The following TRPM7 variants were observed in gnomAD, a reference collection of about 807,000 sequenced individuals.
TRPM7 encodes LTRPC ion channel family member 7.
TRPM7 carries 134 observed loss-of-function variants against 229.7 expected under a neutral mutation model. That is an observed-to-expected ratio of 0.58 (90% CI 0.51 to 0.67). The LOEUF (loss-of-function observed/expected upper bound fraction) is 0.67, where lower values mean the gene tolerates loss of function less well. Among genes scored for constraint, TRPM7 ranks in the 30% least tolerant of loss-of-function variants. TRPM7 has a pLI of 0.00. For missense variants in TRPM7, 1,901 were observed against 2,210.0 expected (o/e 0.86, Z 2.80); for synonymous variants, 699 against 715.2 (o/e 0.98, Z 0.36).
rs553815931 is a variant in TRPM7, at chr15:50,571,585, A to G, written c.5309-1430T>C. On this transcript the variant is annotated intron_variant, in intron 36 of 38. Transcript: ENST00000646667. Reference sequence around the variant, plus strand: ...TAGGCAGAAAAAAAAAGTGGAAAAAAAAAAATCTCATGATCCCAGTTGGGG... The same window carrying G: ...TAGGCAGAAAAAAAAAGTGGAAAAAGAAAAATCTCATGATCCCAGTTGGGG... Among the ~76,000 whole-genome samples, 411 of 152,318 alleles carry G rather than the reference A, an allele frequency of 2.7e-3. 6 individuals carry two copies. The highest frequency in any genetic ancestry group is 0.023 in the Admixed American group (348 of 15,296).
intron 1 of TRPM7, among the ~76,000 whole-genome samples, chr15:50,678,515 AAAAT>A (rs1291798799): frequency 0.017 from 1,436 of 82,614 alleles, 11 homozygotes; most frequent in African/African-American, 0.043. Flanking sequence ...TTAAAAAAAA[AAAAT>A]ATATATATAT....
In TRPM7 at chr15:50,633,755, C is replaced by G. The variant is rs2060805198; in HGVS notation, c.1007+627G>C. On this transcript the variant is annotated intron_variant, in intron 8 of 38. Transcript: ENST00000646667. ...GAACCCCGTAATGAGTAGCTTTAAA[C>G]ATATATTATTTCACAGATATACATC... Among the ~76,000 whole-genome samples the G allele has an allele frequency of 2.0e-5, 3 of 152,132 alleles. No homozygotes were observed. In the South Asian group the frequency reaches 6.2e-4, roughly 31 times the overall value.
At chr15:50,686,418 AG>A in intron 1 of TRPM7, 112 bp downstream of exon 1, 1 of 1,565,860 alleles carries the variant, frequency 6.4e-7, no homozygotes, top group Non-Finnish European at 8.8e-7. Context: ...AGGCAATTCG[AG>A]GGTCCTTCGC....
chr15:50,599,782 G>A (rs531371233), intron 21 of TRPM7: 3 of 152,314 alleles, frequency 2.0e-5, no homozygotes, highest in East Asian at 3.9e-4. Flanking sequence ...GAATCCATGG[G>A]TGCCTTGTCC....
intron 13 of TRPM7, 63 bp from the exon 14 acceptor site, chr15:50,614,326 C>A (rs2060152030): frequency 2.1e-6 from 3 of 1,420,660 alleles, no homozygotes; most frequent in South Asian, 2.9e-5. Flanking sequence ...CCATGCCCTG[C>A]CTAGGAACAG....
intron 11 of TRPM7, 104 bp from the exon 12 acceptor site, chr15:50,624,404 G>T: frequency 9.8e-7 from 1 of 1,018,430 alleles, no homozygotes; most frequent in Non-Finnish European, 1.4e-6. Context: ...GTTCCCAACA[G>T]TTTTAGAACA....
chr15:50,566,715 A>G (rs1181744756), intron 38 of TRPM7, among the ~76,000 whole-genome samples: 2 of 152,168 alleles, frequency 1.3e-5, no homozygotes, highest in East Asian at 1.9e-4. Context: ...AATAAAATAA[A>G]GATCCGAGAA....
chr15:50,610,438 C>T (rs2060036167), intron 17 of TRPM7, among the ~76,000 whole-genome samples: 1 of 152,054 alleles, frequency 6.6e-6, no homozygotes, highest in Non-Finnish European at 1.5e-5. Flanking sequence ...CTTGCAAAAT[C>T]CCAAAGCATG....
chr15:50,572,387 G>GA (rs2053933369), intron 36 of TRPM7, among the ~76,000 whole-genome samples: 1 of 152,174 alleles, frequency 6.6e-6, no homozygotes, highest in Admixed American at 6.5e-5. Flanking sequence ...CCTTCACCAG[G>GA]AAAAAGACTA....
intron 25 of TRPM7, among the ~76,000 whole-genome samples, chr15:50,593,378 AAACAGTAAAG>A (rs1406695617): frequency 1.3e-5 from 2 of 152,132 alleles, no homozygotes; most frequent in Non-Finnish European, 2.9e-5. Context: ...TTCTCCCTCC[AAACAGTAAAG>A]AACAGTAAAC....
chr15:50,636,394 C>A (rs905602588), intron 7 of TRPM7, among the ~76,000 whole-genome samples: 1 of 152,058 alleles, frequency 6.6e-6, no homozygotes, highest in African/African-American at 2.4e-5. Context: ...TTTCACCATA[C>A]TGGTCAGTCT....
At chr15:50,584,017 A>T (rs2054561480) in intron 28 of TRPM7, among the ~76,000 whole-genome samples, 1 of 152,210 alleles carries the variant, frequency 6.6e-6, no homozygotes, top group African/African-American at 2.4e-5. Flanking sequence ...TTCCTATGAT[A>T]AACAGTGCCG....
At position 50,631,411 on chromosome 15, in the gene TRPM7, G is replaced by T. The variant is rs1170554879; in HGVS notation, c.1204+6C>A. The T allele has an allele frequency of 7.5e-6, 12 of 1,593,692 alleles. No individual in the cohort carries two copies. The highest frequency in any genetic ancestry group is 1.0e-5 in the Non-Finnish European group (12 of 1,165,986). On this transcript the variant is annotated splice_donor_region_variant and intron_variant, in intron 10 of 38. Transcript: ENST00000646667. ...CTTACAAATAAAAAAGTTCTTAGAG[G>T]CTTACCTTTTAGCAGTGCAGTAAGT...
At chr15:50,577,362 A>C (rs1312953516) in intron 31 of TRPM7, among the ~76,000 whole-genome samples, 1 of 152,144 alleles carries the variant, frequency 6.6e-6, no homozygotes, top group African/African-American at 2.4e-5. Context: ...AGCCTGGCCA[A>C]CGTGGTGAAA....
intron 12 of TRPM7, among the ~76,000 whole-genome samples, chr15:50,622,768 C>G (rs1404923320): frequency 2.0e-5 from 3 of 152,126 alleles, no homozygotes; most frequent in African/African-American, 7.2e-5. Flanking sequence ...CACCTGTAAT[C>G]CCAGCTACTC....
chr15:50,638,353 C>T (rs548342411), intron 6 of TRPM7, among the ~76,000 whole-genome samples: 5,061 of 90,936 alleles, frequency 0.056, 158 homozygotes, highest in Middle Eastern at 0.17. Flanking sequence ...AGCGAGACTC[C>T]GTCTCAAAAA....
intron 9 of TRPM7, among the ~76,000 whole-genome samples, 175 bp downstream of exon 9, chr15:50,632,694 T>C (rs1320341934): frequency 1.3e-5 from 2 of 152,182 alleles, no homozygotes; most frequent in Admixed American, 6.5e-5. Context: ...CAGGCCTCCT[T>C]CTATGATACC....
chr15:50,596,489 C>T (rs753260979), intron 22 of TRPM7, 108 bp from the exon 23 acceptor site: 40 of 897,326 alleles, frequency 4.5e-5, no homozygotes, highest in African/African-American at 1.4e-4. Flanking sequence ...AAGTAAGTTT[C>T]GATTATGTAC....
rs560863118 is a variant in TRPM7 at position 50,619,626 on chromosome 15, T to G, written c.1494+119A>C. 6.9e-5 allele frequency: 60 copies of G among 864,802 alleles called. 1 individual carries two copies. In the South Asian group the frequency reaches 8.5e-4, roughly 12 times the overall value. The allele number at this position is 864,802 out of a possible 1,614,324, so 53.6% of individuals were successfully genotyped here. A position where few individuals can be genotyped will look rare whatever the true frequency, so the allele number is the denominator to read the frequency against. ...TCAGCCCATATTTTATCTTGTTCTGTAAACTGTAATTTTATTGGTATTTCT... is the reference window on the plus strand; with the variant it reads ...TCAGCCCATATTTTATCTTGTTCTGGAAACTGTAATTTTATTGGTATTTCT... On this transcript the variant is annotated intron_variant, in intron 13 of 38. Transcript: ENST00000646667.
Sources: allele counts gnomAD v4.1 joint callset (sites outside exome capture counted in the v4.1 genomes callset), GRCh38; gene constraint gnomAD v4.1.1; transcripts MANE v1.5; gene names NCBI Gene and HGNC (gene_info 2026-07-23, HGNC 2026-07-21).